The following CD300A variants were observed in gnomAD, a reference collection of about 807,000 sequenced individuals.
The protein encoded by CD300A is CD300a molecule, also known as CMRF35-like molecule 8.
Under a neutral mutation model 33.6 loss-of-function variants are expected in CD300A, and 22 were observed. The ratio of observed to expected loss-of-function variants is 0.66; its 90% CI spans 0.47 to 0.94. CD300A has a LOEUF of 0.94. Among genes scored for constraint, CD300A ranks in the 40% least tolerant of loss-of-function variants. CD300A has a pLI of 0.00. For synonymous variants in CD300A, 136 were observed against 148.1 expected (o/e 0.92, Z 0.59); for missense variants, 326 against 360.5 (o/e 0.90, Z 0.77).
At position 74,484,226 on chromosome 17, in the gene CD300A, C is replaced by G; in HGVS notation, c.*100C>G. Reference sequence around the variant, plus strand: ...CACGTCCTTCTCAGCCTGCCCTCGACAACAGTGACCAACAGACAGGCAGCT... The same window carrying G: ...CACGTCCTTCTCAGCCTGCCCTCGAGAACAGTGACCAACAGACAGGCAGCT... On this transcript the variant is annotated 3_prime_UTR_variant, in exon 7 of 7. Transcript: ENST00000360141. The G allele has an allele frequency of 8.0e-7, 1 of 1,243,602 alleles. No individual in the cohort carries two copies. Among genetic ancestry groups the G allele is most frequent in the South Asian group, 1.4e-5 (1 of 69,836 alleles). 77.0% of individuals were successfully genotyped at this position (1,243,602 alleles called of 1,614,324 possible). A position where few individuals can be genotyped will look rare whatever the true frequency, so the allele number is the denominator to read the frequency against.
chr17:74,473,819 A>G lies in CD300A; in HGVS notation c.324A>G (p.Pro108=), dbSNP rs1127737. 0.49 allele frequency: 785,505 copies of G among 1,613,390 alleles called. 202,528 individuals carry two copies. Among genetic ancestry groups the G allele is most frequent in the African/African-American group, 0.9 (67,613 of 74,934 alleles). The change falls in exon 2 of 7, where the codon CCA becomes CCG. Residue 108 remains proline (P), a synonymous_variant. Coordinates refer to ENST00000360141, the MANE Select transcript of CD300A (RefSeq NM_007261.4). ...AGTYWCGVDT[P]WLRDFHDPVV... is the part of the protein sequence containing the mutation. ...CCTACTGGTGTGGGGTGGATACACC[A>G]TGGCTCCGAGACTTTCATGATCCCG...
intron 6 of CD300A, among the ~76,000 whole-genome samples, chr17:74,482,612 C>T (rs1490172311): frequency 4.0e-5 from 6 of 151,144 alleles, no homozygotes; most frequent in Non-Finnish European, 7.4e-5. Context: ...CCCAACCTCC[C>T]GCCAGCTGTC....
chr17:74,473,959 A>T (rs1458269328), intron 2 of CD300A, 85 bp downstream of exon 2: 23 of 1,411,990 alleles, frequency 1.6e-5, no homozygotes, highest in Non-Finnish European at 2.1e-5. Flanking sequence ...TGAAGCAGAC[A>T]GTGTGTGTGT....
intron 6 of CD300A, among the ~76,000 whole-genome samples, chr17:74,483,491 G>C (rs1430719299): frequency 6.6e-6 from 1 of 151,784 alleles, no homozygotes; most frequent in African/African-American, 2.4e-5. Flanking sequence ...CAAGTAGCTG[G>C]GATTACAGGT....
chr17:74,481,588 G>C (rs1906850730), intron 5 of CD300A, 138 bp from the exon 6 acceptor site: 1 of 692,878 alleles, frequency 1.4e-6, no homozygotes, highest in East Asian at 2.7e-5. Context: ...CTACTGGACG[G>C]AGTGGGGTGG....
At chr17:74,472,194 C>T (rs1350578648) in intron 1 of CD300A, among the ~76,000 whole-genome samples, 2 of 151,004 alleles carry the variant, frequency 1.3e-5, no homozygotes, top group African/African-American at 2.4e-5. Flanking sequence ...GCCGAGATCC[C>T]GCCACTGCAC....
intron 2 of CD300A, 85 bp downstream of exon 2, chr17:74,473,959 AGT>A (rs146853349): frequency 9.0e-3 from 11,918 of 1,328,934 alleles, no homozygotes; most frequent in South Asian, 9.5e-3. Flanking sequence ...TGAAGCAGAC[AGT>A]GTGTGTGTGT....
intron 6 of CD300A, among the ~76,000 whole-genome samples, chr17:74,482,369 G>T (rs1324550494): frequency 1.3e-5 from 2 of 151,714 alleles, no homozygotes; most frequent in Non-Finnish European, 2.9e-5. Flanking sequence ...GAAGCTTAAA[G>T]TGCCCCCAGG....
rs772176027 is a variant in CD300A, at chr17:74,473,556, T to A, written c.61T>A (p.Cys21Ser). 6.2e-7 allele frequency: 1 copy of A among 1,613,654 alleles called. No homozygotes were observed. The highest frequency in any genetic ancestry group is 8.5e-7 in the Non-Finnish European group (1 of 1,179,776). ...TCCAGGATGTTTTGCTCTGAGCAAA[T>A]GCAGGACCGTGGCGGGCCCCGTGGG... The part of the protein sequence containing the change: ...WVPGCFALSK[C>S]RTVAGPVGGS... The change falls in exon 2 of 7, where the codon TGC (cysteine) becomes AGC (serine). Residue 21 changes from cysteine to serine, a missense_variant. Transcript: ENST00000360141.
chr17:74,474,194 G>GT (rs1024608891), intron 2 of CD300A, among the ~76,000 whole-genome samples: 5 of 151,694 alleles, frequency 3.3e-5, no homozygotes, highest in African/African-American at 7.3e-5. Context: ...GAGGCTGGGG[G>GT]GCCAGATGGG....
intron 6 of CD300A, among the ~76,000 whole-genome samples, chr17:74,483,184 T>C (rs1432460114): frequency 1.3e-5 from 2 of 152,130 alleles, no homozygotes; most frequent in Non-Finnish European, 2.9e-5. Flanking sequence ...CCCAGCCCCC[T>C]TGGTACAAGT....
chr17:74,472,100 G>A (rs927988118), intron 1 of CD300A, among the ~76,000 whole-genome samples: 2 of 151,976 alleles, frequency 1.3e-5, no homozygotes, highest in Admixed American at 1.3e-4. Flanking sequence ...AATTATCCGG[G>A]TGTGGTGGAC....
chr17:74,484,431 G>A lies in CD300A; in HGVS notation c.*305G>A, dbSNP rs1042052903. ...TGTGGAGGACAAAGCTTCTTCCTGC[G>A]TGGCTCCAGGAAAAGATGTGGCTCA... On this transcript the variant is annotated 3_prime_UTR_variant, in exon 7 of 7. Coordinates refer to ENST00000360141, the MANE Select transcript of CD300A (RefSeq NM_007261.4). 5.6e-5 allele frequency: 12 copies of A among 213,072 alleles called. No individual in the cohort carries two copies. Among genetic ancestry groups the A allele is most frequent in the Admixed American group, 4.3e-4 (8 of 18,604 alleles). 13.2% of individuals were successfully genotyped at this position (213,072 alleles called of 1,614,324 possible). A position where few individuals can be genotyped will look rare whatever the true frequency, so the allele number is the denominator to read the frequency against.
chr17:74,478,091 G>A (rs2384809), intron 4 of CD300A, among the ~76,000 whole-genome samples: 82,026 of 151,934 alleles, frequency 0.54, 24,361 homozygotes, highest in African/African-American at 0.77. Context: ...TTTAATGACA[G>A]CCTCAACCTC....
intron 4 of CD300A, among the ~76,000 whole-genome samples, chr17:74,479,891 G>C (rs1008805675): frequency 3.3e-5 from 5 of 152,062 alleles, no homozygotes; most frequent in Non-Finnish European, 7.4e-5. Context: ...GTACAACAAA[G>C]CTGTCCTGAG....
intron 6 of CD300A, among the ~76,000 whole-genome samples, chr17:74,482,916 G>A (rs1043348463): frequency 2.0e-5 from 3 of 151,620 alleles, no homozygotes; most frequent in African/African-American, 4.9e-5. Flanking sequence ...CACCATGTTG[G>A]CCAGGCTGGT....
At chr17:74,481,657 A>G in intron 5 of CD300A, 69 bp from the exon 6 acceptor site, 2 of 1,124,166 alleles carry the variant, frequency 1.8e-6, no homozygotes, top group Non-Finnish European at 2.6e-6. Context: ...GGGGAGACAC[A>G]TGCAGAGACG....
At chr17:74,481,513 T>C in intron 5 of CD300A, 187 bp downstream of exon 5, 1 of 660,068 alleles carries the variant, frequency 1.5e-6, no homozygotes, top group South Asian at 1.8e-5. Context: ...GCCTGTCCCC[T>C]CCCCACCAAG....
intron 1 of CD300A, among the ~76,000 whole-genome samples, chr17:74,472,498 A>G (rs1206199017): frequency 6.6e-6 from 1 of 152,206 alleles, no homozygotes; most frequent in African/African-American, 2.4e-5. Context: ...AATGTCAGAC[A>G]TAATTTTCAA....
Sources: allele counts gnomAD v4.1 joint callset (sites outside exome capture counted in the v4.1 genomes callset), GRCh38; gene constraint gnomAD v4.1.1; transcripts MANE v1.5; gene names NCBI Gene and HGNC (gene_info 2026-07-23, HGNC 2026-07-21).